PDS5A: variants seen among roughly 807,000 people sequenced by gnomAD.
The protein encoded by PDS5A is sister chromatid cohesion protein PDS5 homolog A.
In PDS5A, 42 loss-of-function variants were observed where a neutral mutation model predicts 167.1. The ratio of observed to expected loss-of-function variants is 0.25; its 90% CI spans 0.20 to 0.33. The LOEUF is 0.33. Ranked by LOEUF, PDS5A falls within the 10% of genes least tolerant of loss-of-function variation. The probability of loss-of-function intolerance (pLI) is 1.00; values close to 1 mark genes in which losing one functional copy is unlikely to be tolerated. For missense variants in PDS5A, 1,033 were observed against 1,605.9 expected (o/e 0.64, Z 6.10); for synonymous variants, 553 against 554.6 (o/e 1.00, Z 0.04).
intron 17 of PDS5A, among the ~76,000 whole-genome samples, chr4:39,887,570 T>C (rs1443114493): frequency 6.6e-6 from 1 of 152,068 alleles, no homozygotes; most frequent in African/African-American, 2.4e-5. Context: ...TCCCTCACCC[T>C]CTAAAAAAAT....
At chr4:39,958,867 C>T (rs1729215526) in intron 2 of PDS5A, among the ~76,000 whole-genome samples, 1 of 152,148 alleles carries the variant, frequency 6.6e-6, no homozygotes, top group Admixed American at 6.5e-5. Context: ...CCTTGGCCTC[C>T]TAAAGTGCCG....
chr4:39,960,695 A>G (rs1437243674), intron 2 of PDS5A, among the ~76,000 whole-genome samples: 1 of 145,082 alleles, frequency 6.9e-6, no homozygotes, highest in South Asian at 2.2e-4. Flanking sequence ...TACAAAGCTA[A>G]TTTTTTTTTT....
chr4:39,936,358 T>TTCAGGTTTCCTATAGCCTCC (rs1407763219), intron 2 of PDS5A, among the ~76,000 whole-genome samples: 4 of 152,120 alleles, frequency 2.6e-5, no homozygotes, highest in African/African-American at 7.2e-5. Flanking sequence ...AGCTATAAAT[T>TTCAGGTTTCCTATAGCCTCC]TCAGGTTTCC....
intron 7 of PDS5A, among the ~76,000 whole-genome samples, chr4:39,919,430 G>A (rs971942634): frequency 3.3e-5 from 5 of 152,144 alleles, no homozygotes; most frequent in African/African-American, 7.2e-5. Flanking sequence ...CAGATCACGA[G>A]GTCAGGAGAT....
intron 22 of PDS5A, among the ~76,000 whole-genome samples, chr4:39,867,768 A>AC: frequency 8.2e-6 from 1 of 121,844 alleles, no homozygotes; most frequent in South Asian, 2.9e-4. Flanking sequence ...ACACACACAC[A>AC]CACACACCCC....
chr4:39,958,847 G>A (rs1729213030), intron 2 of PDS5A, among the ~76,000 whole-genome samples: 1 of 152,116 alleles, frequency 6.6e-6, no homozygotes, highest in Non-Finnish European at 1.5e-5. Flanking sequence ...GGCCTCAAGT[G>A]ATCCACCTGC....
chr4:39,920,622 T>C (rs1358560262), intron 6 of PDS5A, among the ~76,000 whole-genome samples: 2 of 152,222 alleles, frequency 1.3e-5, no homozygotes, highest in African/African-American at 4.8e-5. Context: ...AATTTATTAA[T>C]CAAAAACTAA....
At chr4:39,972,428 GA>G (rs1269657169) in intron 2 of PDS5A, among the ~76,000 whole-genome samples, 2 of 152,164 alleles carry the variant, frequency 1.3e-5, no homozygotes, top group Non-Finnish European at 2.9e-5. Flanking sequence ...GCTGGGGCAG[GA>G]GAATCGCTTG....
At chr4:39,897,618 C>T (rs576784534) in intron 16 of PDS5A, among the ~76,000 whole-genome samples, 25 of 152,054 alleles carry the variant, frequency 1.6e-4, no homozygotes, top group Admixed American at 2.6e-4. Context: ...AGGCTGGTCT[C>T]GAACTCCCAA....
chr4:39,921,583 T>TTAAAAAAAAAAAAAAA (rs1553902444), intron 6 of PDS5A, among the ~76,000 whole-genome samples: 1 of 86,864 alleles, frequency 1.2e-5, no homozygotes, highest in Non-Finnish European at 2.2e-5. Context: ...AAAGAAAACT[T>TTAAAAAAAAAAAAAAA]AAAAAAAAAA....
chr4:39,935,528 A>C (rs1049880093), intron 2 of PDS5A, among the ~76,000 whole-genome samples: 11 of 152,180 alleles, frequency 7.2e-5, no homozygotes, highest in Non-Finnish European at 1.5e-4. Flanking sequence ...TCTAGAAAAG[A>C]CTATTCTTTC....
At chr4:39,883,834 T>C (rs1385886152) in intron 17 of PDS5A, among the ~76,000 whole-genome samples, 3 of 152,062 alleles carry the variant, frequency 2.0e-5, no homozygotes, top group Non-Finnish European at 4.4e-5. Flanking sequence ...TTTGCCATAC[T>C]GCCTAGGCTG....
At chr4:39,964,913 AG>A (rs1385276874) in intron 2 of PDS5A, among the ~76,000 whole-genome samples, 4 of 152,284 alleles carry the variant, frequency 2.6e-5, no homozygotes, top group African/African-American at 9.6e-5. Context: ...ACTGCACTCC[AG>A]CCTGGGTGAC....
intron 2 of PDS5A, chr4:39,973,174 G>C: frequency 1.9e-6 from 2 of 1,049,810 alleles, no homozygotes; most frequent in African/African-American, 1.5e-5. Flanking sequence ...TTTCTGGGTA[G>C]CCTCTTTAGC....
chr4:39,957,679 G>A (rs993443879), intron 2 of PDS5A, among the ~76,000 whole-genome samples: 17 of 151,398 alleles, frequency 1.1e-4, no homozygotes, highest in African/African-American at 3.4e-4. Flanking sequence ...CCAGCTACTC[G>A]GGAGGCTGAG....
Position 39,977,118 on chromosome 4 carries a change from C to T in PDS5A, c.-41+339G>A, listed in dbSNP as rs540684232. On this transcript the variant is annotated intron_variant, in intron 1 of 32. Coordinates refer to ENST00000303538, the MANE Select transcript of PDS5A (RefSeq NM_001100399.2). The surrounding 1 kb of genome is among the most constrained non-coding windows in gnomAD (Gnocchi z 4.2). ...AAAACGCCCTTGCCCAGCCGAGCCT[C>T]GGACCCGGGGTAGTCCCCGCCGCGC... 6.6e-6 allele frequency among the ~76,000 whole-genome samples: 1 copy of T among 152,318 alleles called. No homozygotes were observed. Among genetic ancestry groups the T allele is most frequent in the South Asian group, 2.1e-4 (1 of 4,832 alleles).
chr4:39,857,026 T>C (rs747377539), intron 26 of PDS5A, among the ~76,000 whole-genome samples: 4 of 151,982 alleles, frequency 2.6e-5, no homozygotes, highest in Non-Finnish European at 5.9e-5. Context: ...TGTTAGAAGT[T>C]TGAGATGTCA....
At chr4:39,867,082 T>G (rs1719521092) in intron 22 of PDS5A, 85 bp from the exon 23 acceptor site, 2 of 1,015,764 alleles carry the variant, frequency 2.0e-6, no homozygotes, top group Non-Finnish European at 1.4e-6. Context: ...TTAATGAGAT[T>G]ACTCATCTCC....
chr4:39,888,129 G>A (rs1169767318), intron 17 of PDS5A, among the ~76,000 whole-genome samples: 14 of 149,980 alleles, frequency 9.3e-5, no homozygotes, highest in Non-Finnish European at 1.5e-4. Context: ...TGCACCTGTA[G>A]TCCTAGCTAC....
Sources: gnomAD v4.1 joint callset for allele counts (sites outside exome capture counted in the v4.1 genomes callset) on GRCh38, gnomAD v4.1.1 for gene constraint, Gnocchi (gnomAD v3.1) non-coding constraint, MANE v1.5 for transcripts, NCBI Gene and HGNC (gene_info 2026-07-23, HGNC 2026-07-21) for gene names.